ZNF609: variants seen among roughly 807,000 people sequenced by gnomAD.
ZNF609 encodes zinc finger protein 609.
ZNF609 carries 11 observed loss-of-function variants against 109.5 expected under a neutral mutation model. The ratio of observed to expected loss-of-function variants is 0.10; its 90% confidence interval spans 0.06 to 0.17. ZNF609 has a LOEUF of 0.17. Ranked by LOEUF, ZNF609 falls within the 10% of genes least tolerant of loss-of-function variation. The pLI is 1.00. For synonymous variants in ZNF609, 646 were observed against 662.0 expected, an observed-to-expected ratio of 0.98 and a Z score of 0.37; for missense variants, 1,559 against 1,772.4, an observed-to-expected ratio of 0.88 and a Z score of 2.16.
intron 2 of ZNF609, chr15:64,529,482 C>G: frequency 9.3e-7 from 1 of 1,073,900 alleles, no homozygotes; most frequent in Non-Finnish European, 1.4e-6. Flanking sequence ...GCGTCCCGTT[C>G]TCAGCCTTGA....
intron 2 of ZNF609, among the ~76,000 whole-genome samples, chr15:64,543,854 A>G (rs150240585): frequency 2.6e-5 from 4 of 152,334 alleles, no homozygotes; most frequent in Non-Finnish European, 5.9e-5. Context: ...CATAGTATTT[A>G]TCACACCATA....
At chr15:64,575,601 CTCTTT>C (rs1052688255) in intron 2 of ZNF609, among the ~76,000 whole-genome samples, 1 of 152,018 alleles carries the variant, frequency 6.6e-6, no homozygotes, top group Non-Finnish European at 1.5e-5. Flanking sequence ...ATACCGAATT[CTCTTT>C]TCTTATTCAT....
intron 1 of ZNF609, among the ~76,000 whole-genome samples, chr15:64,468,406 C>T (rs920143193): frequency 1.3e-5 from 2 of 151,932 alleles, no homozygotes; most frequent in Non-Finnish European, 2.9e-5. Flanking sequence ...AGCCTCAATG[C>T]CACCACACCT....
intron 2 of ZNF609, among the ~76,000 whole-genome samples, chr15:64,596,235 C>T (rs1895396614): frequency 6.6e-6 from 1 of 152,052 alleles, no homozygotes; most frequent in South Asian, 2.1e-4. Flanking sequence ...CTCACTGCAC[C>T]CTCTGCCTCT....
intron 3 of ZNF609, among the ~76,000 whole-genome samples, chr15:64,655,532 A>G (rs1360512736): frequency 6.6e-6 from 1 of 152,102 alleles, no homozygotes; most frequent in Non-Finnish European, 1.5e-5. Flanking sequence ...ATACATTTAT[A>G]AGAACATATA....
intron 3 of ZNF609, among the ~76,000 whole-genome samples, chr15:64,651,629 G>C (rs1896416784): frequency 6.6e-6 from 1 of 152,186 alleles, no homozygotes; most frequent in African/African-American, 2.4e-5. Flanking sequence ...TTCAGTGTGG[G>C]GGTTCCCCAG....
At position 64,522,230 on chromosome 15, in the gene ZNF609, G is replaced by A. The variant is rs183317836; in HGVS notation, c.747+22064G>A. Among the ~76,000 whole-genome samples, 179 of 152,272 alleles carry A rather than the reference G, an allele frequency of 1.2e-3. 1 individual carries two copies. Among genetic ancestry groups the A allele is most frequent in the Non-Finnish European group, 2.2e-3 (147 of 68,032 alleles). Reference sequence around the variant, plus strand: ...AGCATTCTGGCATTGAAATCTATAAGTGCTTTATTGTAAAGAATTTGGAAA... The same window carrying A: ...AGCATTCTGGCATTGAAATCTATAAATGCTTTATTGTAAAGAATTTGGAAA... On this transcript the variant is annotated intron_variant, in intron 2 of 9. Coordinates refer to ENST00000326648, the MANE Select transcript of ZNF609 (RefSeq NM_015042.2).
chr15:64,523,941 T>G (rs555423213), intron 2 of ZNF609, among the ~76,000 whole-genome samples: 1 of 152,080 alleles, frequency 6.6e-6, no homozygotes, highest in Non-Finnish European at 1.5e-5. Flanking sequence ...AAAAGTAATG[T>G]TTCCAGAAAC....
intron 2 of ZNF609, among the ~76,000 whole-genome samples, chr15:64,592,107 G>C (rs1595730836): frequency 6.6e-6 from 1 of 151,584 alleles, no homozygotes; most frequent in African/African-American, 2.4e-5. Flanking sequence ...CAAGGCTGTA[G>C]TGAGCCATGA....
At chr15:64,510,204 T>C (rs887138252) in intron 2 of ZNF609, among the ~76,000 whole-genome samples, 15 of 79,098 alleles carry the variant, frequency 1.9e-4, no homozygotes, top group Admixed American at 7.9e-4. Flanking sequence ...AATTTTTTTT[T>C]CTTTTTTTTT....
rs1357307070 is a variant in ZNF609 at position 64,674,232 on chromosome 15, A to G, written c.1378A>G (p.Ser460Gly). ...TTCTAGCTCAGAGGACTCCAAAGGG[A>G]GCAAGCGTGTCCGTACTAATTCCAT... The part of the protein sequence containing the change: ...LNSSSEDSKG[S>G]KRVRTNSMGS... The change falls in exon 5 of 10, where the codon AGC becomes GGC. Residue 460 changes from serine (S) to glycine (G), a missense_variant. Ser to Gly is a moderately conservative substitution (Grantham distance 56). Transcript: ENST00000326648. 1.9e-6 allele frequency: 3 copies of G among 1,614,056 alleles called. No individual in the cohort carries two copies. The East Asian group carries it at 6.7e-5, about 36-fold the overall frequency.
intron 3 of ZNF609, among the ~76,000 whole-genome samples, chr15:64,633,235 C>T (rs1359784626): frequency 6.6e-6 from 1 of 151,980 alleles, no homozygotes; most frequent in Non-Finnish European, 1.5e-5. Flanking sequence ...GCAGCCTCCA[C>T]CTCCCAGGCT....
intron 2 of ZNF609, among the ~76,000 whole-genome samples, chr15:64,565,986 C>G (rs550951276): frequency 6.6e-6 from 1 of 152,100 alleles, no homozygotes; most frequent in South Asian, 2.1e-4. Flanking sequence ...GTAGCTGGAA[C>G]TAAAGGTGTG....
chr15:64,505,773 T>C (rs1893627332), intron 2 of ZNF609, among the ~76,000 whole-genome samples: 1 of 152,136 alleles, frequency 6.6e-6, no homozygotes, highest in African/African-American at 2.4e-5. Context: ...CCTTTCAAGG[T>C]AAGTATTCGG....
chr15:64,523,563 C>G (rs1366742814), intron 2 of ZNF609, among the ~76,000 whole-genome samples: 1 of 151,944 alleles, frequency 6.6e-6, no homozygotes, highest in South Asian at 2.1e-4. Flanking sequence ...ATCAGGAGTT[C>G]GACACCAGCC....
chr15:64,494,992 G>A (rs538709948), intron 1 of ZNF609, among the ~76,000 whole-genome samples: 2 of 152,310 alleles, frequency 1.3e-5, no homozygotes, highest in Admixed American at 1.3e-4. Flanking sequence ...CACTTAAGAT[G>A]TGGAATCTGG....
chr15:64,586,687 A>G (rs1370749654), intron 2 of ZNF609, among the ~76,000 whole-genome samples: 1 of 151,784 alleles, frequency 6.6e-6, no homozygotes, highest in East Asian at 1.9e-4. Context: ...GTCTTCCAGG[A>G]AACTGGGCCC....
intron 1 of ZNF609, among the ~76,000 whole-genome samples, chr15:64,482,850 A>G (rs962733152): frequency 1.3e-5 from 2 of 152,156 alleles, no homozygotes; most frequent in African/African-American, 4.8e-5. Flanking sequence ...AGTGTCAGAA[A>G]ATTGTTTTGT....
chr15:64,587,517 A>G (rs944449121), intron 2 of ZNF609, among the ~76,000 whole-genome samples: 5 of 152,120 alleles, frequency 3.3e-5, no homozygotes, highest in African/African-American at 1.2e-4. Flanking sequence ...ATTGTGGTGT[A>G]TTTGTGTATT....
Sources: allele counts gnomAD v4.1 joint callset (sites outside exome capture counted in the v4.1 genomes callset), GRCh38; gene constraint gnomAD v4.1.1; transcripts MANE v1.5; gene names NCBI Gene and HGNC (gene_info 2026-07-23, HGNC 2026-07-21).